MAP3K2: variants seen among roughly 807,000 people sequenced by gnomAD.
MAP3K2 encodes the protein MAP/ERK kinase kinase 2.
MAP3K2 carries 24 observed loss-of-function variants against 80.3 expected under a neutral mutation model. The ratio of observed to expected loss-of-function variants is 0.30; its 90% confidence interval spans 0.22 to 0.42. MAP3K2 has a LOEUF of 0.42. Ranked by LOEUF, MAP3K2 falls within the 10% of genes least tolerant of loss-of-function variation. The pLI, the probability that MAP3K2 is intolerant of heterozygous loss-of-function variation, is 1.00. For synonymous variants in MAP3K2, 244 were observed against 253.7 expected (o/e 0.96, Z 0.36); for missense variants, 608 against 750.1 (o/e 0.81, Z 2.21).
At chr2:127,334,747 G>A (rs190616891) in intron 5 of MAP3K2, among the ~76,000 whole-genome samples, 2 of 147,854 alleles carry the variant, frequency 1.4e-5, no homozygotes, top group East Asian at 4.0e-4. Context: ...TGCTCTGCCC[G>A]TTATTCTTCA....
intron 1 of MAP3K2, among the ~76,000 whole-genome samples, chr2:127,369,697 C>G (rs1687030593): frequency 6.6e-6 from 1 of 152,060 alleles, no homozygotes. Flanking sequence ...TCCTTCTGGG[C>G]ATATGGAAAG....
In MAP3K2 at chr2:127,387,870, C is replaced by T. The variant is rs1356257448; in HGVS notation, c.-484G>A. ...CTGGTCGTTGTTTTCGTCGCCGCCG[C>T]GGGCCGTGCAACCCCCGAACGCTGC... On this transcript the variant is annotated 5_prime_UTR_variant, in exon 1 of 17. Transcript: ENST00000682094. The T allele has an allele frequency of 8.1e-6, 8 of 981,996 alleles. No homozygotes were observed. Among genetic ancestry groups the T allele is most frequent in the Non-Finnish European group, 9.7e-6 (8 of 827,128 alleles). 60.8% of individuals were successfully genotyped at this position (981,996 alleles called of 1,614,324 possible).
intron 1 of MAP3K2, among the ~76,000 whole-genome samples, chr2:127,377,722 T>C (rs868268076): frequency 6.6e-6 from 1 of 152,196 alleles, no homozygotes; most frequent in Admixed American, 6.5e-5. Context: ...TAAGATACGG[T>C]TTGAAATTTG....
chr2:127,387,015 C>A (rs1274876171), intron 1 of MAP3K2, among the ~76,000 whole-genome samples: 6 of 152,046 alleles, frequency 3.9e-5, no homozygotes, highest in Non-Finnish European at 7.4e-5. Context: ...AACTGCCGGG[C>A]GCAGACTAAG....
intron 1 of MAP3K2, among the ~76,000 whole-genome samples, chr2:127,382,441 C>T (rs2404837): frequency 0.98 from 149,810 of 152,348 alleles, 73,712 homozygotes; most frequent in East Asian, 1. Flanking sequence ...TTTTGAAATA[C>T]ATAGTTCCAG....
intron 1 of MAP3K2, among the ~76,000 whole-genome samples, chr2:127,350,575 G>A (rs1332302941): frequency 4.0e-5 from 6 of 151,570 alleles, no homozygotes; most frequent in Admixed American, 2.0e-4. Flanking sequence ...ACTAATGAAT[G>A]TAATAAAATT....
chr2:127,388,118 C>T, upstream of MAP3K2: 1 of 984,864 alleles, frequency 1.0e-6, no homozygotes, highest in Non-Finnish European at 1.2e-6. Context: ...CACGCCCACA[C>T]ACAGGCCACC....
At chr2:127,327,110 A>T (rs768654564) in intron 7 of MAP3K2, among the ~76,000 whole-genome samples, 10 of 152,318 alleles carry the variant, frequency 6.6e-5, no homozygotes, top group South Asian at 2.1e-4. Flanking sequence ...TTCTGGCATT[A>T]AGACAGTTTA....
At chr2:127,343,406 A>T (rs1446626667) in intron 1 of MAP3K2, among the ~76,000 whole-genome samples, 1 of 152,206 alleles carries the variant, frequency 6.6e-6, no homozygotes, top group Non-Finnish European at 1.5e-5. Flanking sequence ...CTCCCAGAAG[A>T]AAAGCAGGTA....
At chr2:127,316,736 A>T (rs956859623) in intron 14 of MAP3K2, 3 of 152,342 alleles carry the variant, frequency 2.0e-5, no homozygotes, top group Non-Finnish European at 1.5e-5. Flanking sequence ...TTGGCTCCTG[A>T]TAGGATGCAA....
At chr2:127,378,814 C>G (rs191441795) in intron 1 of MAP3K2, among the ~76,000 whole-genome samples, 1 of 151,958 alleles carries the variant, frequency 6.6e-6, no homozygotes, top group Non-Finnish European at 1.5e-5. Flanking sequence ...TTACCCAGAC[C>G]GGAAAGCAGC....
Position 127,307,589 on chromosome 2 carries a change from T to C in MAP3K2, c.1850A>G (p.His617Arg). Residue 617 changes from histidine (H) to arginine (R), a missense_variant, in exon 17 of 17, where the codon CAT (histidine) becomes CGT (arginine). Around this residue, in one of 4 missense-constraint regions of MAP3K2, gnomAD observed 42 missense variants for 53.7 expected, o/e 0.78. Transcript: ENST00000682094. The surrounding 1 kb of genome is among the most constrained non-coding windows in gnomAD (Gnocchi z 5.4). ...ADELLRHMFV[H>R]YH Reference sequence around the variant, plus strand: ...AGAGGTTACTGGCTGCTAGTGATAATGCACAAACATGTGCCTTAAGAGTTC... The same window carrying C: ...AGAGGTTACTGGCTGCTAGTGATAACGCACAAACATGTGCCTTAAGAGTTC... 1 of 1,564,650 alleles carries C rather than the reference T, an allele frequency of 6.4e-7. No individual in the cohort carries two copies. Among genetic ancestry groups the C allele is most frequent in the Non-Finnish European group, 8.7e-7 (1 of 1,153,966 alleles).
At chr2:127,333,964 T>C (rs1402918218) in intron 5 of MAP3K2, among the ~76,000 whole-genome samples, 2 of 152,062 alleles carry the variant, frequency 1.3e-5, no homozygotes, top group East Asian at 1.9e-4. Context: ...CCGGGAGCAG[T>C]GGTGCCTGCC....
chr2:127,383,625 A>G (rs961763683), intron 1 of MAP3K2, among the ~76,000 whole-genome samples: 1 of 152,128 alleles, frequency 6.6e-6, no homozygotes, highest in Non-Finnish European at 1.5e-5. Flanking sequence ...ATCAGGGAAT[A>G]GGGTATTTTG....
Position 127,349,265 on chromosome 2 carries a change from A to T in MAP3K2, c.-65-6071T>A, listed in dbSNP as rs138787492. On this transcript the variant is annotated intron_variant, in intron 1 of 16. Coordinates refer to ENST00000682094, the MANE Select transcript of MAP3K2 (RefSeq NM_001371910.2). Reference sequence around the variant, plus strand: ...AGCCTCAACTTCCCTGACTCAAGTGATCCTCTTGCTGCAGCCTCTCAAGTA... The same window carrying T: ...AGCCTCAACTTCCCTGACTCAAGTGTTCCTCTTGCTGCAGCCTCTCAAGTA... Among the ~76,000 whole-genome samples, 138 of 151,990 alleles carry T rather than the reference A, an allele frequency of 9.1e-4. 1 individual carries two copies. In the East Asian group the frequency reaches 0.024, roughly 27 times the overall value.
rs372333330 is a variant in MAP3K2 at position 127,310,740 on chromosome 2, T to C, written c.1457-1978A>G. Among the ~76,000 whole-genome samples the C allele has an allele frequency of 6.6e-6, 1 of 152,128 alleles. No individual in the cohort carries two copies. The highest frequency in any genetic ancestry group is 1.5e-5 in the Non-Finnish European group (1 of 68,022). Reference sequence around the variant, plus strand: ...CACTCTTATCATTTTAAAAACTCTATTTTTTCTGGGATTATAAATCTAGTT... The same window carrying C: ...CACTCTTATCATTTTAAAAACTCTACTTTTTCTGGGATTATAAATCTAGTT... On this transcript the variant is annotated intron_variant, in intron 15 of 16. Transcript: ENST00000682094. The surrounding 1 kb of genome is among the most constrained non-coding windows in gnomAD (Gnocchi z 4.8).
At chr2:127,346,042 C>G (rs1483724935) in intron 1 of MAP3K2, among the ~76,000 whole-genome samples, 2 of 149,784 alleles carry the variant, frequency 1.3e-5, no homozygotes, top group African/African-American at 4.9e-5. Context: ...ATCAAGAAAA[C>G]AAAAATTGGC....
rs911441287 is a variant in MAP3K2, at chr2:127,300,814, C to T, written c.*6765G>A. On this transcript the variant is annotated 3_prime_UTR_variant, in exon 17 of 17. Coordinates refer to ENST00000682094, the MANE Select transcript of MAP3K2 (RefSeq NM_001371910.2). Reference sequence around the variant, plus strand: ...AGCCTCTCCAGCTCAAATGTTTCAACTAGTCCTCTCTTCTTATTCCAGGTG... The same window carrying T: ...AGCCTCTCCAGCTCAAATGTTTCAATTAGTCCTCTCTTCTTATTCCAGGTG... The T allele has an allele frequency of 2.0e-5, 3 of 152,190 alleles. No homozygotes were observed. Among genetic ancestry groups the T allele is most frequent in the Non-Finnish European group, 4.4e-5 (3 of 68,016 alleles). 9.4% of individuals were successfully genotyped at this position (152,190 alleles called of 1,614,324 possible). A position where few individuals can be genotyped will look rare whatever the true frequency, so the allele number is the denominator to read the frequency against.
At chr2:127,384,142 G>A (rs1298856184) in intron 1 of MAP3K2, among the ~76,000 whole-genome samples, 4 of 150,972 alleles carry the variant, frequency 2.6e-5, no homozygotes, top group Admixed American at 2.0e-4. Context: ...TGATCTGCCC[G>A]CCTCGGCCTC....
Sources: allele counts gnomAD v4.1 joint callset (sites outside exome capture counted in the v4.1 genomes callset), GRCh38; gene constraint gnomAD v4.1.1; regional missense constraint gnomAD v4.1.1; non-coding constraint Gnocchi (gnomAD v3.1); transcripts MANE v1.5; gene names NCBI Gene and HGNC (gene_info 2026-07-23, HGNC 2026-07-21).